Variants in PCDHA7 observed in about 807,000 individuals in gnomAD.
PCDHA7 encodes the protein protocadherin alpha-7.
In PCDHA7, 37 loss-of-function variants were observed where a neutral mutation model predicts 57.2. The observed-to-expected ratio is 0.65, with a 90% CI of 0.50 to 0.85. The LOEUF (loss-of-function observed/expected upper bound fraction) is 0.85, where lower values mean the gene tolerates loss of function less well. Ranked by LOEUF, PCDHA7 falls within the 40% of genes least tolerant of loss-of-function variation. PCDHA7 has a pLI of 0.00. For synonymous variants in PCDHA7, 553 were observed against 558.8 expected (o/e 0.99, Z 0.15); for missense variants, 1,188 against 1,241.8 (o/e 0.96, Z 0.65).
At chr5:140,882,210 C>G in intron 1 of PCDHA7, 3 of 1,533,604 alleles carry the variant, frequency 2.0e-6, no homozygotes, top group Admixed American at 2.1e-5. Flanking sequence ...CCTTGAGAGA[C>G]AGTTTGAGGT....
At chr5:141,005,826 A>T (rs1283643370) in intron 3 of PCDHA7, among the ~76,000 whole-genome samples, 4 of 151,340 alleles carry the variant, frequency 2.6e-5, no homozygotes, top group Admixed American at 6.6e-5. Flanking sequence ...GGTGGCCTGT[A>T]GTCCCAGCCA....
rs566250084 is a variant in PCDHA7 at position 140,877,055 on chromosome 5, T to G, written c.2355+40317T>G. The G allele has an allele frequency of 2.5e-6, 4 of 1,612,792 alleles. No homozygotes were observed. In the East Asian group the frequency reaches 8.9e-5, roughly 36 times the overall value. On this transcript the variant is annotated intron_variant, in intron 1 of 3. Coordinates refer to ENST00000525929, the MANE Select transcript of PCDHA7 (RefSeq NM_018910.3). ...CTGCAGCCGCTAGACCACGAGGAGC[T>G]GGAGCTGCTGCAGTTCCAGGTGAGC...
chr5:140,848,579 C>A lies in PCDHA7; in HGVS notation c.2355+11841C>A, dbSNP rs2150413279. Reference sequence around the variant, plus strand: ...TCCTCGCAATGTGGGTGGTGGGGAGCGGCCAGCTCCACTACTCCGTCCCGG... The same window carrying A: ...TCCTCGCAATGTGGGTGGTGGGGAGAGGCCAGCTCCACTACTCCGTCCCGG... On this transcript the variant is annotated intron_variant, in intron 1 of 3. Transcript: ENST00000525929. 0.52 allele frequency: 831,192 copies of A among 1,591,790 alleles called. 256,408 individuals are homozygous for A. Among genetic ancestry groups the A allele is most frequent in the South Asian group, 0.62 (55,610 of 90,064 alleles).
intron 1 of PCDHA7, chr5:140,929,542 C>A (rs2086218387): frequency 1.9e-6 from 1 of 536,790 alleles, no homozygotes; most frequent in Non-Finnish European, 3.0e-6. Context: ...GAAACAAGGG[C>A]AAAAATTAAA....
intron 1 of PCDHA7, among the ~76,000 whole-genome samples, chr5:140,918,519 G>A (rs2078736782): frequency 6.6e-6 from 1 of 152,068 alleles, no homozygotes. Flanking sequence ...AACTTATTGA[G>A]GATTGTTTTA....
chr5:140,958,810 G>C (rs2095443726), intron 1 of PCDHA7, among the ~76,000 whole-genome samples: 1 of 151,988 alleles, frequency 6.6e-6, no homozygotes, highest in African/African-American at 2.4e-5. Flanking sequence ...ACACCATTCT[G>C]TTTTAATTTT....
rs1053953271 is a variant in PCDHA7 at position 140,853,589 on chromosome 5, C to G, written c.2355+16851C>G. 1.4e-5 allele frequency: 14 copies of G among 986,246 alleles called. 3 individuals are homozygous for G. The highest frequency in any genetic ancestry group is 1.7e-5 in the Non-Finnish European group (14 of 818,496). 61.1% of individuals were successfully genotyped at this position (986,246 alleles called of 1,614,324 possible). A position where few individuals can be genotyped will look rare whatever the true frequency, so the allele number is the denominator to read the frequency against. The stretch of plus-strand genomic sequence containing the variant: ...AAGTTGTCACCCAATATCTTAGACA[C>G]TTTGAGAGCAAAGGGGGTGCTGTAA... On this transcript the variant is annotated intron_variant, in intron 1 of 3. Coordinates refer to ENST00000525929, the MANE Select transcript of PCDHA7 (RefSeq NM_018910.3).
chr5:140,843,058 G>A, intron 1 of PCDHA7: 3 of 1,595,232 alleles, frequency 1.9e-6, no homozygotes, highest in Non-Finnish European at 2.6e-6. Flanking sequence ...CAGCGAGCAA[G>A]CTGGTGCCGC....
At chr5:140,837,628 CCTTCCTTT>C (rs1289092091) in intron 1 of PCDHA7, among the ~76,000 whole-genome samples, 3 of 149,330 alleles carry the variant, frequency 2.0e-5, no homozygotes, top group African/African-American at 7.7e-5. Context: ...TTCCTTCCTT[CCTTCCTTT>C]CTTTCTTTCT....
chr5:140,876,515 C>G (rs782705478), intron 1 of PCDHA7: 4 of 1,613,960 alleles, frequency 2.5e-6, no homozygotes, highest in Non-Finnish European at 3.4e-6. Flanking sequence ...GACAATGTCC[C>G]TGAAGTAATG....
At chr5:140,915,626 G>GTCTCTCTCTCTCTC (rs57920489) in intron 1 of PCDHA7, among the ~76,000 whole-genome samples, 21 of 146,534 alleles carry the variant, frequency 1.4e-4, no homozygotes, top group African/African-American at 5.0e-4. Context: ...GTCTCTTTCT[G>GTCTCTCTCTCTCTC]TCTCTCTCTC....
In PCDHA7 at chr5:140,966,787, A is replaced by C. The variant is rs781920865; in HGVS notation, c.2356-12162A>C. 5.9e-5 allele frequency: 90 copies of C among 1,526,700 alleles called. No homozygotes were observed. Among genetic ancestry groups the C allele is most frequent in the Non-Finnish European group, 7.7e-5 (88 of 1,139,948 alleles). The allele number at this position is 1,526,700 out of a possible 1,614,324, so 94.6% of individuals were successfully genotyped here. On this transcript the variant is annotated intron_variant, in intron 1 of 3. Coordinates refer to ENST00000525929, the MANE Select transcript of PCDHA7 (RefSeq NM_018910.3). ...TGGCTATGGAGCAGGCGGGCACCAG[A>C]CCTGCGGCGACAGAGCATCCACGGC...
intron 1 of PCDHA7, chr5:140,966,543 A>C (rs200134570): frequency 6.5e-6 from 3 of 461,074 alleles, no homozygotes; most frequent in Admixed American, 4.3e-5. Context: ...AGCGACTCGG[A>C]GGCGAGCGGA....
chr5:140,897,716 G>A (rs1554187531), intron 1 of PCDHA7, among the ~76,000 whole-genome samples: 1 of 152,144 alleles, frequency 6.6e-6, no homozygotes, highest in African/African-American at 2.4e-5. Context: ...TAATGGGATG[G>A]CTGGGTCAAA....
rs190155701 is a variant in PCDHA7, at chr5:140,878,924, A to G, written c.2355+42186A>G. Among the ~76,000 whole-genome samples, 11 of 152,344 alleles carry G rather than the reference A, an allele frequency of 7.2e-5. No homozygotes were observed. The East Asian group carries it at 2.1e-3, about 29-fold the overall frequency. ...GCTCCACCACTCCCAGCTTCAATCA[A>G]TAATTTTAAATAAATATATGGTATT... On this transcript the variant is annotated intron_variant, in intron 1 of 3. Transcript: ENST00000525929.
At chr5:140,875,377 A>G in intron 1 of PCDHA7, 1 of 1,457,802 alleles carries the variant, frequency 6.9e-7, no homozygotes, top group Non-Finnish European at 9.0e-7. Context: ...TTTACTAAAT[A>G]TGTACTTACA....
intron 1 of PCDHA7, among the ~76,000 whole-genome samples, chr5:140,891,171 A>T (rs1221936185): frequency 1.3e-5 from 2 of 151,478 alleles, no homozygotes; most frequent in African/African-American, 4.9e-5. Flanking sequence ...TGCTTTTCAG[A>T]TTTTCTGTGT....
chr5:140,982,441 T>G (rs368663739), intron 2 of PCDHA7, 34 bp from the exon 3 acceptor site: 18 of 1,613,728 alleles, frequency 1.1e-5, no homozygotes, highest in Non-Finnish European at 1.5e-5. Flanking sequence ...GAATTTATGA[T>G]CTAACCGTTA....
intron 1 of PCDHA7, chr5:140,864,893 T>C (rs1554159192): frequency 1.3e-5 from 2 of 152,194 alleles, no homozygotes; most frequent in South Asian, 2.1e-4. Flanking sequence ...TTAAGCTGCA[T>C]GGTCTTCAGA....
Sources: allele counts gnomAD v4.1 joint callset (sites outside exome capture counted in the v4.1 genomes callset), GRCh38; gene constraint gnomAD v4.1.1; transcripts MANE v1.5; gene names NCBI Gene and HGNC (gene_info 2026-07-23, HGNC 2026-07-21).